The following SBF2 variants were observed in gnomAD, a reference collection of about 807,000 sequenced individuals.
SBF2 encodes SET binding factor 2, also known as myotubularin-related protein 13.
In SBF2, 112 loss-of-function variants were observed where a neutral mutation model predicts 225.2. The observed-to-expected ratio is 0.50, with a 90% confidence interval of 0.43 to 0.58. The LOEUF is 0.58. Among genes scored for constraint, SBF2 ranks in the 20% least tolerant of loss-of-function variants. SBF2 has a pLI of 0.00. For missense variants in SBF2, 1,996 were observed against 2,206.2 expected (o/e 0.90, Z 1.91); for synonymous variants, 763 against 773.3 (o/e 0.99, Z 0.22).
At chr11:10,180,238 C>G (rs933837138) in intron 2 of SBF2, among the ~76,000 whole-genome samples, 1 of 151,994 alleles carries the variant, frequency 6.6e-6, no homozygotes, top group Non-Finnish European at 1.5e-5. Context: ...TGGAGCTATT[C>G]CCTTTATCAT....
At chr11:10,234,021 A>G (rs1958964079) in intron 1 of SBF2, among the ~76,000 whole-genome samples, 2 of 152,214 alleles carry the variant, frequency 1.3e-5, no homozygotes, top group South Asian at 4.1e-4. Context: ...TTCTTCCCAA[A>G]GGACCTAACA....
At chr11:10,291,428 T>C (rs941160839) in intron 1 of SBF2, among the ~76,000 whole-genome samples, 1 of 152,160 alleles carries the variant, frequency 6.6e-6, no homozygotes, top group Admixed American at 6.5e-5. Context: ...GAAAAATAAA[T>C]TTCTATTGTT....
At chr11:9,980,388 G>A (rs1351131731) in intron 13 of SBF2, among the ~76,000 whole-genome samples, 3 of 150,604 alleles carry the variant, frequency 2.0e-5, no homozygotes, top group Non-Finnish European at 2.9e-5. Context: ...CTCCTGCCTC[G>A]GCCTCCCAAA....
intron 1 of SBF2, among the ~76,000 whole-genome samples, chr11:10,228,229 G>A (rs1442121253): frequency 9.9e-5 from 15 of 152,148 alleles, no homozygotes; most frequent in African/African-American, 2.7e-4. Flanking sequence ...GGGCTGAGAC[G>A]ATGGGGTTTT....
intron 1 of SBF2, among the ~76,000 whole-genome samples, chr11:10,258,424 A>G (rs1186301665): frequency 1.3e-5 from 2 of 152,222 alleles, no homozygotes; most frequent in African/African-American, 2.4e-5. Context: ...GTAAATAAGT[A>G]AAGATATTAA....
chr11:9,887,396 A>C (rs1860423831), intron 17 of SBF2, among the ~76,000 whole-genome samples: 1 of 152,126 alleles, frequency 6.6e-6, no homozygotes, highest in Admixed American at 6.5e-5. Context: ...TAAACTAATT[A>C]TAATAATTCA....
At chr11:10,173,037 T>C (rs957874118) in intron 2 of SBF2, among the ~76,000 whole-genome samples, 2 of 152,200 alleles carry the variant, frequency 1.3e-5, no homozygotes, top group Non-Finnish European at 2.9e-5. Context: ...TTTCCATGTG[T>C]TTGTATAGTT....
chr11:10,045,953 C>A (rs777994960), intron 2 of SBF2, among the ~76,000 whole-genome samples: 20 of 150,386 alleles, frequency 1.3e-4, no homozygotes, highest in Non-Finnish European at 1.9e-4. Flanking sequence ...AACCACGGAT[C>A]AAAAATATTT....
At chr11:10,261,701 T>C (rs1465981935) in intron 1 of SBF2, among the ~76,000 whole-genome samples, 2 of 152,242 alleles carry the variant, frequency 1.3e-5, no homozygotes, top group Non-Finnish European at 2.9e-5. Flanking sequence ...TTATTCATTA[T>C]TGCCAAACAC....
rs200468349 is a variant in SBF2, at chr11:10,031,206, G to A, written c.280-36C>T. 1.6e-5 allele frequency: 26 copies of A among 1,605,128 alleles called. No individual in the cohort carries two copies. The African/African-American group carries it at 3.2e-4, about 20-fold the overall frequency. ...AGACACTGAAATCAACAAACAGAAG[G>A]GATTTCCTAGGTTCATAATTCACAA... On this transcript the variant is annotated intron_variant, in intron 3 of 39. Coordinates refer to ENST00000256190, the MANE Select transcript of SBF2 (RefSeq NM_030962.4).
At chr11:9,918,761 C>T (rs550541793) in intron 16 of SBF2, among the ~76,000 whole-genome samples, 11 of 150,736 alleles carry the variant, frequency 7.3e-5, no homozygotes, top group African/African-American at 2.4e-4. Context: ...TTTTTTGAGA[C>T]GGAGTCTCAC....
At chr11:10,154,735 G>A (rs952251972) in intron 2 of SBF2, among the ~76,000 whole-genome samples, 1 of 152,068 alleles carries the variant, frequency 6.6e-6, no homozygotes, top group African/African-American at 2.4e-5. Flanking sequence ...ATTCTCAATG[G>A]TGCTACCTTC....
chr11:9,939,135 G>T lies in SBF2; in HGVS notation c.1860+22822C>A, dbSNP rs561813275. ...CTTTTTGAGACAGAGTCTCACTGTC[G>T]CCTAGGCTGGAGTGCAGTGGTGCGA... On this transcript the variant is annotated intron_variant, in intron 16 of 39. Coordinates refer to ENST00000256190, the MANE Select transcript of SBF2 (RefSeq NM_030962.4). Among the ~76,000 whole-genome samples the T allele has an allele frequency of 1.3e-4, 19 of 151,882 alleles. No individual in the cohort carries two copies. The East Asian group carries it at 2.5e-3, about 20-fold the overall frequency.
At chr11:9,921,500 A>C (rs1056528620) in intron 16 of SBF2, among the ~76,000 whole-genome samples, 24 of 152,214 alleles carry the variant, frequency 1.6e-4, no homozygotes, top group African/African-American at 5.8e-4. Context: ...AAACTTTGAG[A>C]ATCACTGCCT....
chr11:10,283,627 A>T (rs1482948741), intron 1 of SBF2, among the ~76,000 whole-genome samples: 3 of 146,364 alleles, frequency 2.0e-5, no homozygotes, highest in South Asian at 2.2e-4. Flanking sequence ...CAGAAGAAAT[A>T]AAAAAAAGTA....
intron 16 of SBF2, among the ~76,000 whole-genome samples, chr11:9,938,917 A>T (rs901126097): frequency 6.6e-6 from 1 of 152,122 alleles, no homozygotes; most frequent in Non-Finnish European, 1.5e-5. Context: ...AAGTCAACAG[A>T]TAAATAATGT....
chr11:10,096,148 T>C (rs906005077), intron 2 of SBF2, among the ~76,000 whole-genome samples: 21 of 152,250 alleles, frequency 1.4e-4, no homozygotes, highest in African/African-American at 5.1e-4. Flanking sequence ...CTCTCCATAC[T>C]TTAAAAATAT....
intron 17 of SBF2, among the ~76,000 whole-genome samples, chr11:9,893,951 T>C (rs1429639636): frequency 6.6e-6 from 1 of 152,212 alleles, no homozygotes; most frequent in Non-Finnish European, 1.5e-5. Flanking sequence ...TAACTCCTTA[T>C]ATTAAAATTT....
intron 1 of SBF2, among the ~76,000 whole-genome samples, chr11:10,237,578 G>A (rs143986684): frequency 1.3e-5 from 2 of 152,046 alleles, no homozygotes; most frequent in Non-Finnish European, 2.9e-5. Context: ...TGAAAATATT[G>A]AGCAGGATTA....
Sources: allele counts gnomAD v4.1 joint callset (sites outside exome capture counted in the v4.1 genomes callset), GRCh38; gene constraint gnomAD v4.1.1; transcripts MANE v1.5; gene names NCBI Gene and HGNC (gene_info 2026-07-23, HGNC 2026-07-21).